The following RIT2 variants were observed in gnomAD, a reference collection of about 807,000 sequenced individuals.
RIT2 encodes the protein Ras like without CAAX 2.
In RIT2, 24 loss-of-function variants were observed where a neutral mutation model predicts 23.7. The ratio of observed to expected loss-of-function variants is 1.01; its 90% CI spans 0.73 to 1.43. The LOEUF (loss-of-function observed/expected upper bound fraction) is 1.43. RIT2 is among the 40% of genes most tolerant of loss of function. The pLI is 0.00. For missense variants in RIT2, 236 were observed against 266.9 expected (o/e 0.88, Z 0.81); for synonymous variants, 107 against 91.1 (o/e 1.17, Z -0.99).
At chr18:42,829,442 A>C (rs781000567) in intron 4 of RIT2, among the ~76,000 whole-genome samples, 9 of 152,200 alleles carry the variant, frequency 5.9e-5, no homozygotes, top group Non-Finnish European at 4.4e-5. Flanking sequence ...AATTATTTCT[A>C]ATTGGAGGGT....
At chr18:42,785,812 T>C (rs937116504) in intron 4 of RIT2, among the ~76,000 whole-genome samples, 15 of 152,038 alleles carry the variant, frequency 9.9e-5, no homozygotes, top group Admixed American at 5.2e-4. Flanking sequence ...TTTCATACAT[T>C]TTACAGTTAG....
chr18:42,996,450 G>A (rs907919640), intron 2 of RIT2, among the ~76,000 whole-genome samples: 2 of 152,056 alleles, frequency 1.3e-5, no homozygotes, highest in African/African-American at 4.8e-5. Context: ...TGACTTGCAG[G>A]TACACATCCA....
At chr18:42,805,342 G>A (rs1905653035) in intron 4 of RIT2, among the ~76,000 whole-genome samples, 1 of 152,120 alleles carries the variant, frequency 6.6e-6, no homozygotes, top group Non-Finnish European at 1.5e-5. Context: ...TTTTTGAAAT[G>A]TAATATGTTG....
Position 42,743,546 on chromosome 18 carries a change from G to A in RIT2, c.601C>T (p.Leu201=). ...AAAGAACCTTTGAGCTTCTTCCACA[G>A]GCTGTCTTTTCTCTTCAGTTTCTTT... ...MEKKLKRKDS[L]WKKLKGSLKK... Residue 201 remains leucine, a synonymous_variant, in exon 5 of 5, where the codon CTG becomes TTG. Coordinates refer to ENST00000326695, the MANE Select transcript of RIT2 (RefSeq NM_002930.4). The A allele has an allele frequency of 1.2e-6, 2 of 1,613,930 alleles. No homozygotes were observed. Among genetic ancestry groups the A allele is most frequent in the Non-Finnish European group, 1.7e-6 (2 of 1,179,936 alleles).
At chr18:42,940,820 A>G (rs541701317) in intron 3 of RIT2, among the ~76,000 whole-genome samples, 1 of 152,304 alleles carries the variant, frequency 6.6e-6, no homozygotes, top group African/African-American at 2.4e-5. Flanking sequence ...AACTCCACTT[A>G]ACTCTTAATT....
Position 42,743,580 on chromosome 18 carries a change from G to A in RIT2, c.567C>T (p.Ser189=), listed in dbSNP as rs550440630. ...REIRKKESMP[S]LMEKKLKRKD... ...TTCTCTTCAGTTTCTTTTCCATCAA[G>A]GATGGCATGGACTCCTTCTTGCGAA... Residue 189 remains serine, a synonymous_variant, in exon 5 of 5, where the codon TCC becomes TCT. Coordinates refer to ENST00000326695, the MANE Select transcript of RIT2 (RefSeq NM_002930.4). The A allele has an allele frequency of 1.9e-6, 3 of 1,613,940 alleles. No homozygotes were observed. The highest frequency in any genetic ancestry group is 2.2e-5 in the South Asian group (2 of 91,068).
chr18:43,001,225 T>G (rs562217991), intron 2 of RIT2, among the ~76,000 whole-genome samples: 1 of 152,032 alleles, frequency 6.6e-6, no homozygotes, highest in Non-Finnish European at 1.5e-5. Flanking sequence ...GGATGAGAAA[T>G]GGAGGATGTT....
At chr18:42,788,960 A>C (rs1471124113) in intron 4 of RIT2, among the ~76,000 whole-genome samples, 1 of 152,188 alleles carries the variant, frequency 6.6e-6, no homozygotes, top group Non-Finnish European at 1.5e-5. Flanking sequence ...AATATTATAG[A>C]GCTATGTAGT....
chr18:43,060,098 T>A (rs909005635), intron 1 of RIT2, among the ~76,000 whole-genome samples: 1 of 152,118 alleles, frequency 6.6e-6, no homozygotes, highest in South Asian at 2.1e-4. Flanking sequence ...CTTGAAAAGA[T>A]CTGAGAGGTA....
At chr18:42,784,888 G>A (rs1913890798) in intron 4 of RIT2, among the ~76,000 whole-genome samples, 2 of 152,048 alleles carry the variant, frequency 1.3e-5, no homozygotes, top group African/African-American at 4.8e-5. Context: ...TCCTTGCTAT[G>A]TATCATTAGA....
intron 4 of RIT2, among the ~76,000 whole-genome samples, chr18:42,904,070 G>A (rs778254445): frequency 6.6e-6 from 1 of 152,058 alleles, no homozygotes; most frequent in Non-Finnish European, 1.5e-5. Flanking sequence ...TAAATAAAAT[G>A]TATAGTGTTC....
At chr18:42,969,688 TG>T (rs1009374621) in intron 3 of RIT2, among the ~76,000 whole-genome samples, 8 of 151,838 alleles carry the variant, frequency 5.3e-5, no homozygotes, top group Non-Finnish European at 1.0e-4. Flanking sequence ...AAAAAAAAAT[TG>T]AAGGTATTTG....
intron 1 of RIT2, among the ~76,000 whole-genome samples, chr18:43,100,343 C>G (rs1456954055): frequency 1.3e-5 from 2 of 152,080 alleles, no homozygotes; most frequent in African/African-American, 2.4e-5. Context: ...TTAGGAACAG[C>G]ATGGAAGCTG....
chr18:42,908,041 A>G (rs1181599656), intron 4 of RIT2, among the ~76,000 whole-genome samples: 1 of 152,080 alleles, frequency 6.6e-6, no homozygotes, highest in African/African-American at 2.4e-5. Flanking sequence ...CAAATTTAAA[A>G]GACATGGAAA....
intron 4 of RIT2, among the ~76,000 whole-genome samples, chr18:42,909,717 A>G (rs1425325507): frequency 6.6e-6 from 1 of 152,108 alleles, no homozygotes; most frequent in Non-Finnish European, 1.5e-5. Flanking sequence ...GCTAAAAATC[A>G]AATCACCCTA....
intron 4 of RIT2, among the ~76,000 whole-genome samples, chr18:42,870,793 A>G (rs1907602745): frequency 6.6e-6 from 1 of 152,192 alleles, no homozygotes; most frequent in Non-Finnish European, 1.5e-5. Flanking sequence ...TTCTTTGATA[A>G]GAACATTCAG....
chr18:42,942,670 A>C (rs1909632586), intron 3 of RIT2, among the ~76,000 whole-genome samples: 1 of 152,118 alleles, frequency 6.6e-6, no homozygotes, highest in Non-Finnish European at 1.5e-5. Flanking sequence ...TTAGGTTTAA[A>C]TAGCTCTATC....
chr18:42,939,236 T>G (rs761764435), intron 3 of RIT2, among the ~76,000 whole-genome samples: 14 of 152,134 alleles, frequency 9.2e-5, no homozygotes, highest in Non-Finnish European at 1.6e-4. Context: ...CTGCCTGGGT[T>G]TGAAATCTGA....
chr18:43,033,560 T>C (rs1462031643), intron 2 of RIT2, among the ~76,000 whole-genome samples: 1 of 152,068 alleles, frequency 6.6e-6, no homozygotes, highest in Non-Finnish European at 1.5e-5. Flanking sequence ...TGAAATCACT[T>C]AATGGATTCC....
Sources: allele counts gnomAD v4.1 joint callset (sites outside exome capture counted in the v4.1 genomes callset), GRCh38; gene constraint gnomAD v4.1.1; transcripts MANE v1.5; gene names NCBI Gene and HGNC (gene_info 2026-07-23, HGNC 2026-07-21).